The following ZNF841 variants were observed in gnomAD, a reference collection of about 807,000 sequenced individuals.
The protein encoded by ZNF841 is TCONS_00006091.
Under a neutral mutation model 13.0 loss-of-function variants are expected in ZNF841, and 11 were observed. The observed-to-expected ratio is 0.85, with a 90% CI of 0.53 to 1.40. The LOEUF is 1.40. Ranked by LOEUF, ZNF841 falls within the 40% of genes most tolerant of loss-of-function variation. The pLI is 0.00. For synonymous variants in ZNF841, 369 were observed against 381.6 expected (o/e 0.97, Z 0.38); for missense variants, 1,068 against 1,139.5 (o/e 0.94, Z 0.90).
chr19:52,074,601 C>G (rs953331321), intron 6 of ZNF841, among the ~76,000 whole-genome samples: 3 of 152,094 alleles, frequency 2.0e-5, no homozygotes, highest in South Asian at 4.1e-4. Flanking sequence ...ACTACAACCT[C>G]CGCCTCCCAG....
intron 4 of ZNF841, among the ~76,000 whole-genome samples, chr19:52,081,617 C>A (rs1256239131): frequency 6.6e-6 from 1 of 152,182 alleles, no homozygotes; most frequent in Non-Finnish European, 1.5e-5. Flanking sequence ...CTCTGGGAGC[C>A]CAAGATGGGG....
At position 52,066,941 on chromosome 19, in the gene ZNF841, C is replaced by T. The variant is rs1054364439; in HGVS notation, c.941G>A (p.Gly314Glu). The T allele has an allele frequency of 6.2e-7, 1 of 1,613,920 alleles. No individual in the cohort carries two copies. Among genetic ancestry groups the T allele is most frequent in the Non-Finnish European group, 8.5e-7 (1 of 1,180,006 alleles). ...LTVHQIVHTRGKPYQCDVCGR... is the reference protein window; with the variant it reads ...LTVHQIVHTREKPYQCDVCGR... Reference sequence around the variant, plus strand: ...ACATACATCACATTGGTATGGTTTCCCTCTTGTATGGACTATCTGATGTAC... The same window carrying T: ...ACATACATCACATTGGTATGGTTTCTCTCTTGTATGGACTATCTGATGTAC... The change falls in exon 7 of 7, where the codon GGG (glycine) becomes GAG (glutamate). Residue 314 changes from glycine (G) to glutamate (E), a missense_variant. Coordinates refer to ENST00000594440, the MANE Select transcript of ZNF841 (RefSeq NM_001136499.2).
chr19:52,074,893 G>A (rs1334088524), intron 6 of ZNF841, among the ~76,000 whole-genome samples: 2 of 152,192 alleles, frequency 1.3e-5, no homozygotes, highest in Non-Finnish European at 2.9e-5. Context: ...CATTGCCACA[G>A]TACCCTTGAA....
chr19:52,079,804 C>A (rs913320833), intron 4 of ZNF841, among the ~76,000 whole-genome samples: 3 of 151,952 alleles, frequency 2.0e-5, no homozygotes, highest in African/African-American at 7.3e-5. Flanking sequence ...CCAGCCTGAC[C>A]AACATGGAGA....
downstream of ZNF841, among the ~76,000 whole-genome samples, chr19:52,062,267 C>T (rs2087415992): frequency 6.6e-6 from 1 of 152,060 alleles, no homozygotes; most frequent in Admixed American, 6.5e-5. Context: ...CACTTAAAAC[C>T]AGCTGCAAAA....
rs1472930173 is a variant in ZNF841 at position 52,066,237 on chromosome 19, C to T, written c.1645G>A (p.Val549Ile). The T allele has an allele frequency of 5.0e-6, 8 of 1,614,100 alleles. No homozygotes were observed. The highest frequency in any genetic ancestry group is 6.8e-6 in the Non-Finnish European group (8 of 1,179,990). The change falls in exon 7 of 7, where the codon GTC becomes ATC. Residue 549 changes from valine (V) to isoleucine (I), a missense_variant. Physicochemically the swap from Val to Ile is conservative, Grantham distance 29 (BLOSUM62 3). Coordinates refer to ENST00000594440, the MANE Select transcript of ZNF841 (RefSeq NM_001136499.2). ...GAAAGGTATCCACCGTAATTAAAGACCTTGCCACACACATTACATTTGTAA... is the reference window on the plus strand; with the variant it reads ...GAAAGGTATCCACCGTAATTAAAGATCTTGCCACACACATTACATTTGTAA... ...KPYKCNVCGKVFNYGGYLSVH... is the reference protein window; with the variant it reads ...KPYKCNVCGKIFNYGGYLSVH...
chr19:52,077,121 T>C, intron 4 of ZNF841, 37 bp from the exon 5 acceptor site: 1 of 1,577,226 alleles, frequency 6.3e-7, no homozygotes, highest in Non-Finnish European at 8.6e-7. Context: ...GAGCAGTGGG[T>C]GAGCTCTTAT....
At chr19:52,088,184 G>A (rs1434615278) in intron 3 of ZNF841, among the ~76,000 whole-genome samples, 1 of 152,194 alleles carries the variant, frequency 6.6e-6, no homozygotes. Flanking sequence ...GTACAGTTCT[G>A]GGTTCCACGC....
the ZNF841 span, among the ~76,000 whole-genome samples, chr19:52,059,390 T>TATATATATACACACAC: frequency 1.0e-5 from 1 of 96,358 alleles, no homozygotes; most frequent in Admixed American, 1.4e-4. Flanking sequence ...TATATATATA[T>TATATATATACACACAC]ACACACACAC....
In ZNF841 at chr19:52,067,170, A is replaced by G. The variant is rs759717831; in HGVS notation, c.712T>C (p.Tyr238His). The G allele has an allele frequency of 7.7e-6, 12 of 1,552,626 alleles. No individual in the cohort carries two copies. In the Middle Eastern group the frequency reaches 8.3e-4, roughly 108 times the overall value. The change falls in exon 7 of 7, where the codon TAT (tyrosine) becomes CAT (histidine). Residue 238 changes from tyrosine (Y) to histidine (H), a missense_variant. Coordinates refer to ENST00000594440, the MANE Select transcript of ZNF841 (RefSeq NM_001136499.2). ...GAAAGTTGCAAAAAATCATTCCCAT[A>G]TTTCCTAGAAATGTTGGTTTGGACA... The part of the protein sequence containing the change: ...PGVQTNISRK[Y>H]GNDFLQLSLP...
chr19:52,059,713 T>G (rs868078107), downstream of ZNF841, among the ~76,000 whole-genome samples: 11 of 152,080 alleles, frequency 7.2e-5, no homozygotes, highest in African/African-American at 2.7e-4. Context: ...CAGGAGAACA[T>G]GGTCTGGAGG....
downstream of ZNF841, among the ~76,000 whole-genome samples, chr19:52,059,794 C>T (rs561048577): frequency 6.6e-6 from 1 of 152,286 alleles, no homozygotes; most frequent in East Asian, 1.9e-4. Context: ...ACTTTCCACA[C>T]CTAAGTAACA....
chr19:52,089,714 C>A (rs2088407897), intron 2 of ZNF841, among the ~76,000 whole-genome samples: 1 of 152,142 alleles, frequency 6.6e-6, no homozygotes, highest in Non-Finnish European at 1.5e-5. Context: ...TTCTGCCAGA[C>A]CTAAGAAATT....
chr19:52,062,064 C>T (rs1267338516), downstream of ZNF841, among the ~76,000 whole-genome samples: 1 of 152,146 alleles, frequency 6.6e-6, no homozygotes, highest in East Asian at 1.9e-4. Flanking sequence ...AGTCCTATTG[C>T]AGGTCCCCTT....
intron 4 of ZNF841, among the ~76,000 whole-genome samples, chr19:52,083,719 T>C (rs1315964370): frequency 6.6e-6 from 1 of 152,038 alleles, no homozygotes; most frequent in Non-Finnish European, 1.5e-5. Flanking sequence ...TGCTTACAAA[T>C]TTTATTGTGT....
intron 6 of ZNF841, among the ~76,000 whole-genome samples, chr19:52,069,397 A>T (rs1183974566): frequency 6.6e-6 from 1 of 152,172 alleles, no homozygotes; most frequent in Non-Finnish European, 1.5e-5. Context: ...TTTATTATCC[A>T]GTTCCTTGGC....
At chr19:52,060,872 A>G (rs936693240), downstream of ZNF841, among the ~76,000 whole-genome samples, 2 of 152,214 alleles carry the variant, frequency 1.3e-5, no homozygotes, top group African/African-American at 4.8e-5. Flanking sequence ...AGCTATGCAC[A>G]AAAGGTTACA....
In ZNF841 at chr19:52,064,770, A is replaced by C; in HGVS notation, c.*337T>G. ...TGACTCAGCCTCTCGAGTAGCTGGT[A>C]CTACCAGTACCCGCCACGAAGCCCA... On this transcript the variant is annotated 3_prime_UTR_variant, in exon 7 of 7. Coordinates refer to ENST00000594440, the MANE Select transcript of ZNF841 (RefSeq NM_001136499.2). 1 of 165,382 alleles carries C rather than the reference A, an allele frequency of 6.0e-6. No homozygotes were observed. Among genetic ancestry groups the C allele is most frequent in the African/African-American group, 2.4e-5 (1 of 41,802 alleles). The allele number at this position is 165,382 out of a possible 1,614,324, so 10.2% of individuals were successfully genotyped here.
intron 4 of ZNF841, among the ~76,000 whole-genome samples, chr19:52,082,903 AC>A (rs1423969047): frequency 6.6e-6 from 1 of 151,916 alleles, no homozygotes. Flanking sequence ...ACACGGTGAA[AC>A]CCCATCTCAA....
Sources: allele counts gnomAD v4.1 joint callset (sites outside exome capture counted in the v4.1 genomes callset), GRCh38; gene constraint gnomAD v4.1.1; transcripts MANE v1.5; gene names NCBI Gene and HGNC (gene_info 2026-07-23, HGNC 2026-07-21).